The following MARCHF1 variants were observed in gnomAD, a reference collection of about 807,000 sequenced individuals.
MARCHF1 encodes the protein E3 ubiquitin-protein ligase MARCHF1.
A neutral mutation model predicts 54.2 loss-of-function variants in MARCHF1; 40 were observed. The ratio of observed to expected loss-of-function variants is 0.74; its 90% CI spans 0.57 to 0.96. The LOEUF is 0.96. MARCHF1 is among the 40% of genes least tolerant of loss of function. The probability of loss-of-function intolerance (pLI) is 0.00; values close to 1 mark genes in which losing one functional copy is unlikely to be tolerated. For missense variants in MARCHF1, 586 were observed against 656.5 expected (o/e 0.89, Z 1.17); for synonymous variants, 236 against 236.3 (o/e 1.00, Z 0.01).
chr4:163,979,019 C>CTTTTT (rs60452636), intron 3 of MARCHF1, among the ~76,000 whole-genome samples: 1 of 129,108 alleles, frequency 7.7e-6, no homozygotes, highest in African/African-American at 2.8e-5. Flanking sequence ...CCCTTTAATT[C>CTTTTT]TTTTTTTTTT....
intron 2 of MARCHF1, among the ~76,000 whole-genome samples, chr4:164,091,378 T>C (rs1755295770): frequency 6.9e-6 from 1 of 144,298 alleles, no homozygotes; most frequent in Non-Finnish European, 1.5e-5. Context: ...TATGTAAAAA[T>C]AGGGACAACA....
chr4:163,710,149 G>T (rs1238122995), intron 4 of MARCHF1, among the ~76,000 whole-genome samples: 1 of 152,002 alleles, frequency 6.6e-6, no homozygotes, highest in African/African-American at 2.4e-5. Flanking sequence ...TGACCAGAAG[G>T]CTATTTTAAA....
chr4:164,011,189 C>A (rs146289879), intron 2 of MARCHF1, among the ~76,000 whole-genome samples: 1 of 152,078 alleles, frequency 6.6e-6, no homozygotes, highest in Non-Finnish European at 1.5e-5. Flanking sequence ...TGGGAACAGA[C>A]TCCTGGACAT....
chr4:163,895,754 C>T (rs1485962760), intron 3 of MARCHF1, among the ~76,000 whole-genome samples: 1 of 152,106 alleles, frequency 6.6e-6, no homozygotes, highest in African/African-American at 2.4e-5. Context: ...TAAGTGGAGG[C>T]TTTAATTGTC....
chr4:163,890,851 T>C (rs895792568), intron 3 of MARCHF1, among the ~76,000 whole-genome samples: 100 of 152,148 alleles, frequency 6.6e-4, no homozygotes, highest in African/African-American at 2.4e-3. Flanking sequence ...CTGGTACAAG[T>C]TAGCTTCAGG....
intron 5 of MARCHF1, among the ~76,000 whole-genome samples, chr4:163,673,309 A>C (rs575053633): frequency 6.6e-6 from 1 of 152,348 alleles, no homozygotes; most frequent in South Asian, 2.1e-4. Flanking sequence ...TATCTAATTA[A>C]ATCTAAGGAT....
chr4:164,180,528 G>A (rs1560942242), intron 1 of MARCHF1, among the ~76,000 whole-genome samples: 2 of 152,092 alleles, frequency 1.3e-5, no homozygotes, highest in African/African-American at 2.4e-5. Context: ...TTTCAAGGCT[G>A]AAGTTTTATT....
At chr4:164,045,986 A>C (rs1287361505) in intron 2 of MARCHF1, among the ~76,000 whole-genome samples, 4 of 152,182 alleles carry the variant, frequency 2.6e-5, no homozygotes, top group African/African-American at 9.7e-5. Context: ...AAGATTCCTA[A>C]ATCAGAAACA....
intron 1 of MARCHF1, among the ~76,000 whole-genome samples, chr4:164,214,915 G>A (rs1026340772): frequency 6.6e-6 from 1 of 152,056 alleles, no homozygotes; most frequent in African/African-American, 2.4e-5. Flanking sequence ...GCTGTGGCTC[G>A]CTTCCTCAGT....
At chr4:164,342,186 C>T (rs1729949660) in intron 1 of MARCHF1, among the ~76,000 whole-genome samples, 1 of 152,026 alleles carries the variant, frequency 6.6e-6, no homozygotes, top group African/African-American at 2.4e-5. Context: ...TATGAATAGC[C>T]AACAAGTAAA....
chr4:164,115,598 G>T (rs1288088873), intron 1 of MARCHF1, among the ~76,000 whole-genome samples: 2 of 152,042 alleles, frequency 1.3e-5, no homozygotes, highest in African/African-American at 4.8e-5. Context: ...ATACAAAACT[G>T]AAGAGACATT....
chr4:163,731,617 C>A (rs1745833182), intron 4 of MARCHF1, among the ~76,000 whole-genome samples: 1 of 152,138 alleles, frequency 6.6e-6, no homozygotes, highest in Non-Finnish European at 1.5e-5. Flanking sequence ...GACAGTATGG[C>A]TGAGTGAGGG....
At chr4:163,586,080 C>G (rs897856254) in intron 7 of MARCHF1, 151 bp from the exon 8 acceptor site, 13 of 636,006 alleles carry the variant, frequency 2.0e-5, no homozygotes, top group Non-Finnish European at 3.3e-5. Context: ...ATGCTAGAAC[C>G]AAATCTATGA....
chr4:164,234,043 G>C (rs1732483342), intron 1 of MARCHF1, among the ~76,000 whole-genome samples: 2 of 152,076 alleles, frequency 1.3e-5, no homozygotes, highest in South Asian at 4.1e-4. Context: ...TTATCCATCA[G>C]TTACTTCTGA....
At chr4:164,003,046 G>T (rs945737044) in intron 2 of MARCHF1, among the ~76,000 whole-genome samples, 1 of 151,842 alleles carries the variant, frequency 6.6e-6, no homozygotes, top group African/African-American at 2.4e-5. Flanking sequence ...CAGAAGGAAA[G>T]AATGAGAAGA....
chr4:163,887,468 C>A (rs931710666), intron 3 of MARCHF1, among the ~76,000 whole-genome samples: 1 of 152,014 alleles, frequency 6.6e-6, no homozygotes, highest in Non-Finnish European at 1.5e-5. Context: ...GTTCAGGGAC[C>A]AGCAGCACCA....
chr4:164,013,722 G>A (rs10007601), intron 2 of MARCHF1, among the ~76,000 whole-genome samples: 113,271 of 152,066 alleles, frequency 0.74, 42,784 homozygotes, highest in East Asian at 0.85. Flanking sequence ...GTGAGATGAC[G>A]AAGTCAAAGT....
At chr4:163,637,306 G>A (rs1742371200) in intron 5 of MARCHF1, among the ~76,000 whole-genome samples, 1 of 152,032 alleles carries the variant, frequency 6.6e-6, no homozygotes, top group Admixed American at 6.5e-5. Context: ...AGAGTGAACA[G>A]GCAAGCTACA....
At chr4:163,993,904 T>C (rs1753013873) in intron 2 of MARCHF1, among the ~76,000 whole-genome samples, 1 of 152,130 alleles carries the variant, frequency 6.6e-6, no homozygotes, top group African/African-American at 2.4e-5. Context: ...CTATATTCTA[T>C]TTTACTTTGT....
Sources: allele counts gnomAD v4.1 joint callset (sites outside exome capture counted in the v4.1 genomes callset), GRCh38; gene constraint gnomAD v4.1.1; transcripts MANE v1.5; gene names NCBI Gene and HGNC (gene_info 2026-07-23, HGNC 2026-07-21).